Variants in MAGI3 observed in about 807,000 individuals in gnomAD.
The protein encoded by MAGI3 is membrane-associated guanylate kinase, WW and PDZ domain-containing protein 3.
Under a neutral mutation model 121.8 loss-of-function variants are expected in MAGI3, and 43 were observed. That is an observed-to-expected ratio of 0.35 (90% CI 0.28 to 0.46). The LOEUF (loss-of-function observed/expected upper bound fraction) is 0.46. Ranked by LOEUF, MAGI3 falls within the 20% of genes least tolerant of loss-of-function variation. MAGI3 has a pLI of 1.00. For synonymous variants in MAGI3, 553 were observed against 639.3 expected (o/e 0.86, Z 2.04); for missense variants, 1,547 against 1,797.3 (o/e 0.86, Z 2.52).
At chr1:113,431,397 AGTGTAATG>A (rs1653292807) in intron 1 of MAGI3, among the ~76,000 whole-genome samples, 1 of 152,196 alleles carries the variant, frequency 6.6e-6, no homozygotes, top group Non-Finnish European at 1.5e-5. Context: ...AATTGTAGCC[AGTGTAATG>A]ACACAGGGCA....
Position 113,608,731 on chromosome 1 carries a change from C to T in MAGI3, c.1019-5870C>T, listed in dbSNP as rs764021061. Among the ~76,000 whole-genome samples the T allele has an allele frequency of 7.2e-5, 11 of 152,106 alleles. No individual in the cohort carries two copies. The East Asian group carries it at 1.7e-3, about 24-fold the overall frequency. ...CTTGGGGAAGAAAGTGAAGGGGCTC[C>T]GAGAAACTGGAAATGTTCCTCCCAT... On this transcript the variant is annotated intron_variant, in intron 6 of 20. Coordinates refer to ENST00000307546, the MANE Select transcript of MAGI3 (RefSeq NM_001142782.2).
intron 2 of MAGI3, among the ~76,000 whole-genome samples, chr1:113,561,548 T>C (rs1427790889): frequency 6.6e-6 from 1 of 152,166 alleles, no homozygotes; most frequent in Non-Finnish European, 1.5e-5. Flanking sequence ...AAAAGGCCTT[T>C]GATAAAATTT....
intron 1 of MAGI3, among the ~76,000 whole-genome samples, chr1:113,416,107 C>T (rs1358356552): frequency 3.6e-4 from 52 of 143,406 alleles, no homozygotes; most frequent in African/African-American, 1.3e-3. Flanking sequence ...ATTAATGACA[C>T]ATATTAATTA....
At chr1:113,677,051 C>G (rs1282563084) in intron 19 of MAGI3, among the ~76,000 whole-genome samples, 1 of 151,938 alleles carries the variant, frequency 6.6e-6, no homozygotes, top group African/African-American at 2.4e-5. Context: ...ATTAAGAAAA[C>G]AAGAAATGTT....
At chr1:113,541,400 T>C (rs1036006259) in intron 1 of MAGI3, among the ~76,000 whole-genome samples, 2 of 152,180 alleles carry the variant, frequency 1.3e-5, no homozygotes, top group Non-Finnish European at 2.9e-5. Flanking sequence ...CATTGCTTCA[T>C]TGCTTTAGTC....
At chr1:113,586,227 T>C (rs902321259) in intron 4 of MAGI3, among the ~76,000 whole-genome samples, 3 of 152,338 alleles carry the variant, frequency 2.0e-5, no homozygotes, top group Middle Eastern at 3.4e-3. Context: ...CAGCTGAGCT[T>C]ATTCAATGGT....
intron 10 of MAGI3, 47 bp downstream of exon 10, chr1:113,642,563 A>G (rs533608809): frequency 4.6e-5 from 71 of 1,546,758 alleles, no homozygotes; most frequent in Non-Finnish European, 6.0e-5. Context: ...TCAAGCGTTT[A>G]TATCTACTGA....
At chr1:113,493,985 C>T (rs1051716920) in intron 1 of MAGI3, among the ~76,000 whole-genome samples, 6 of 152,154 alleles carry the variant, frequency 3.9e-5, no homozygotes, top group Non-Finnish European at 8.8e-5. Context: ...GACCTAAAAA[C>T]AGAAATGCCA....
intron 2 of MAGI3, among the ~76,000 whole-genome samples, chr1:113,575,266 G>A (rs755748879): frequency 2.6e-5 from 4 of 152,164 alleles, no homozygotes; most frequent in Non-Finnish European, 5.9e-5. Flanking sequence ...AGGAGAAGAA[G>A]CATTCTGGTT....
chr1:113,672,055 C>T (rs1647590750), intron 17 of MAGI3, among the ~76,000 whole-genome samples: 1 of 152,170 alleles, frequency 6.6e-6, no homozygotes, highest in Non-Finnish European at 1.5e-5. Flanking sequence ...ATCCCAGGCA[C>T]AGCATAATTA....
chr1:113,668,277 C>T (rs1246342845), intron 16 of MAGI3, among the ~76,000 whole-genome samples: 1 of 152,080 alleles, frequency 6.6e-6, no homozygotes, highest in South Asian at 2.1e-4. Context: ...TAAGGCATAC[C>T]TATACTTACA....
At chr1:113,672,090 A>T (rs527583385) in intron 17 of MAGI3, among the ~76,000 whole-genome samples, 2 of 152,338 alleles carry the variant, frequency 1.3e-5, no homozygotes, top group Admixed American at 6.5e-5. Flanking sequence ...ACATGCGAGG[A>T]TTAGAAAGAA....
chr1:113,412,541 C>T (rs989314829), intron 1 of MAGI3, among the ~76,000 whole-genome samples: 2 of 152,080 alleles, frequency 1.3e-5, no homozygotes, highest in African/African-American at 4.8e-5. Context: ...CCTGTTGTTT[C>T]CTGCCTTTTT....
In MAGI3 at chr1:113,391,004, G is replaced by T; in HGVS notation, c.-30G>T. 2.0e-6 allele frequency: 3 copies of T among 1,516,918 alleles called. No homozygotes were observed. The highest frequency in any genetic ancestry group is 1.4e-5 in the African/African-American group (1 of 69,072). 94.0% of individuals were successfully genotyped at this position (1,516,918 alleles called of 1,614,324 possible). A position where few individuals can be genotyped will look rare whatever the true frequency, so the allele number is the denominator to read the frequency against. ...AGCGGCGCCCCGGCCGCCCGCGCGG[G>T]GTCTCCCCCATGGTGCAGCGGGGTT... On this transcript the variant is annotated 5_prime_UTR_variant, in exon 1 of 21. Transcript: ENST00000307546. This position sits in a 1 kb window ranked among gnomAD's most constrained non-coding sequence, Gnocchi z 4.4.
Position 113,580,654 on chromosome 1 carries a change from ATATGATGG to A in MAGI3, c.551_553+5del. On this transcript the variant is annotated splice_donor_variant and coding_sequence_variant, in exon 3 of 21. Coordinates refer to ENST00000307546, the MANE Select transcript of MAGI3 (RefSeq NM_001142782.2). LOFTEE classifies it high-confidence loss of function. ...GTGGAGCATTGTTAGAAAGTGGGACATATGATGGTATGTCCCCAAATAACATCACTACC... is the reference window on the plus strand; with the variant it reads ...GTGGAGCATTGTTAGAAAGTGGGACATATGTCCCCAAATAACATCACTACC... 2 of 1,603,984 alleles carry A rather than the reference ATATGATGG, an allele frequency of 1.2e-6. No homozygotes were observed. Among genetic ancestry groups the A allele is most frequent in the Non-Finnish European group, 1.7e-6 (2 of 1,175,080 alleles).
chr1:113,391,778 G>C lies in MAGI3; in HGVS notation c.316+429G>C, dbSNP rs927191331. Among the ~76,000 whole-genome samples the C allele has an allele frequency of 6.6e-6, 1 of 152,206 alleles. No individual in the cohort carries two copies. The highest frequency in any genetic ancestry group is 2.4e-5 in the African/African-American group (1 of 41,460). Reference sequence around the variant, plus strand: ...GGACTTTACTATAGAGGCACTTGGTGCCAAGGTTACCACCTGGTGTACCTG... The same window carrying C: ...GGACTTTACTATAGAGGCACTTGGTCCCAAGGTTACCACCTGGTGTACCTG... On this transcript the variant is annotated intron_variant, in intron 1 of 20. Coordinates refer to ENST00000307546, the MANE Select transcript of MAGI3 (RefSeq NM_001142782.2). This position sits in a 1 kb window ranked among gnomAD's most constrained non-coding sequence, Gnocchi z 4.4.
chr1:113,423,580 G>A (rs190597342), intron 1 of MAGI3, among the ~76,000 whole-genome samples: 2 of 152,106 alleles, frequency 1.3e-5, no homozygotes, highest in Non-Finnish European at 2.9e-5. Context: ...TGAGTCTGGG[G>A]GTTTTTATAG....
chr1:113,485,420 C>T (rs1656337587), intron 1 of MAGI3, among the ~76,000 whole-genome samples: 1 of 152,200 alleles, frequency 6.6e-6, no homozygotes, highest in African/African-American at 2.4e-5. Context: ...TGATGTTGAA[C>T]ATTTTTCCAT....
rs1030349663 is a variant in MAGI3, at chr1:113,391,246, G to A, written c.213G>A (p.Leu71=). The A allele has an allele frequency of 3.8e-6, 6 of 1,575,346 alleles. No individual in the cohort carries two copies. The highest frequency in any genetic ancestry group is 2.7e-5 in the African/African-American group (2 of 73,788). ...SGKAPSPGDV[L]LEVNGTPVSG... ...AGGCGCCCAGCCCAGGCGATGTGCT[G>A]CTGGAGGTAAACGGGACGCCTGTCA... Residue 71 remains leucine (L), a synonymous_variant, in exon 1 of 21, where the codon CTG becomes CTA. Transcript: ENST00000307546. The surrounding 1 kb of genome is among the most constrained non-coding windows in gnomAD (Gnocchi z 4.4).
Sources: gnomAD v4.1 joint callset for allele counts (sites outside exome capture counted in the v4.1 genomes callset) on GRCh38, gnomAD v4.1.1 for gene constraint, Gnocchi (gnomAD v3.1) non-coding constraint, MANE v1.5 for transcripts, NCBI Gene and HGNC (gene_info 2026-07-23, HGNC 2026-07-21) for gene names.